The following SORD variants were observed in gnomAD, a reference collection of about 807,000 sequenced individuals.
The protein encoded by SORD is (R,R)-butanediol dehydrogenase.
Under a neutral mutation model 35.6 loss-of-function variants are expected in SORD, and 18 were observed. The observed-to-expected ratio is 0.51, with a 90% CI of 0.35 to 0.75. SORD has a LOEUF of 0.75. Ranked by LOEUF, SORD falls within the 30% of genes least tolerant of loss-of-function variation. The probability of loss-of-function intolerance (pLI) is 0.01; values close to 1 mark genes in which losing one functional copy is unlikely to be tolerated. For missense variants in SORD, 250 were observed against 390.2 expected (o/e 0.64, Z 3.03); for synonymous variants, 106 against 152.9 (o/e 0.69, Z 2.26).
At position 45,074,373 on chromosome 15, in the gene SORD, G is replaced by A. The variant is rs3100133; in HGVS notation, c.*843G>A. 0.16 allele frequency: 23,895 copies of A among 145,120 alleles called. 29 individuals are homozygous for A. Among genetic ancestry groups the A allele is most frequent in the Middle Eastern group, 0.27 (77 of 288 alleles). 9.0% of individuals were successfully genotyped at this position (145,120 alleles called of 1,614,324 possible). A position where few individuals can be genotyped will look rare whatever the true frequency, so the allele number is the denominator to read the frequency against. On this transcript the variant is annotated 3_prime_UTR_variant, in exon 9 of 9. Transcript: ENST00000267814. ...ACCTCACCAGAGACCAGGAGGGTTT[G>A]GTTAGCTCACAGGACTTCCCCCACC...
chr15:45,030,448 A>G (rs1892760331), intron 1 of SORD, among the ~76,000 whole-genome samples: 1 of 152,268 alleles, frequency 6.6e-6, no homozygotes, highest in Non-Finnish European at 1.5e-5. Flanking sequence ...TTTTCCCCAA[A>G]TCAGGTTTGC....
At chr15:45,047,292 G>T (rs542237939) in intron 3 of SORD, 1 of 151,704 alleles carries the variant, frequency 6.6e-6, no homozygotes, top group South Asian at 2.1e-4. Context: ...AACACAAAAA[G>T]ACTTAGGAAA....
intron 1 of SORD, among the ~76,000 whole-genome samples, chr15:45,036,060 G>A (rs1892860929): frequency 6.6e-6 from 1 of 151,680 alleles, no homozygotes; most frequent in Non-Finnish European, 1.5e-5. Context: ...CTTAAGAGCT[G>A]TAACACTCAC....
chr15:45,053,793 C>G (rs1276033695), intron 3 of SORD, among the ~76,000 whole-genome samples: 1 of 144,500 alleles, frequency 6.9e-6, no homozygotes, highest in Non-Finnish European at 1.5e-5. Flanking sequence ...ATCCCTCCCC[C>G]ATCCCCCCAC....
intron 1 of SORD, 60 bp from the exon 2 acceptor site, chr15:45,040,348 T>C: frequency 1.0e-6 from 1 of 970,252 alleles, no homozygotes; most frequent in Non-Finnish European, 1.6e-6. Flanking sequence ...TAATGGAAAA[T>C]GTTCATAAGG....
chr15:45,045,407 C>T (rs1280722569), intron 3 of SORD, among the ~76,000 whole-genome samples: 1 of 151,918 alleles, frequency 6.6e-6, no homozygotes, highest in South Asian at 2.1e-4. Flanking sequence ...GTGGCACACA[C>T]CTATAATCCC....
rs1893296007 is a variant in SORD at position 45,061,067 on chromosome 15, GT to G, written c.267del (p.Asp90IlefsTer65). 20 of 1,614,006 alleles carry G rather than the reference GT, an allele frequency of 1.2e-5. No homozygotes were observed. The highest frequency in any genetic ancestry group is 1.7e-5 in the Non-Finnish European group (20 of 1,180,018). Reference sequence around the variant, plus strand: ...GTGCCATCTTTGTTTTCCTCTCCAGGTGATCGTGTTGCCATCGAGCCTGGTG... The same window carrying G: ...GTGCCATCTTTGTTTTCCTCTCCAGGGATCGTGTTGCCATCGAGCCTGGTG... ...VGSSVKHLKP[G>X]DRVAIEPGAP... On this transcript the variant is annotated frameshift_variant and splice_region_variant, in exon 4 of 9. Transcript: ENST00000267814. LOFTEE classifies it high-confidence loss of function.
At chr15:45,054,822 A>G (rs964344771) in intron 3 of SORD, among the ~76,000 whole-genome samples, 6 of 150,490 alleles carry the variant, frequency 4.0e-5, no homozygotes, top group Admixed American at 3.3e-4. Context: ...TGATTTTTGT[A>G]TAAGGTGTAA....
At chr15:45,041,447 T>C (rs1338946838) in intron 2 of SORD, among the ~76,000 whole-genome samples, 1 of 152,018 alleles carries the variant, frequency 6.6e-6, no homozygotes, top group African/African-American at 2.4e-5. Flanking sequence ...CACTTTGTCC[T>C]ACCTCACACC....
intron 3 of SORD, among the ~76,000 whole-genome samples, chr15:45,060,229 G>A (rs1893279956): frequency 6.6e-6 from 1 of 151,920 alleles, no homozygotes. Context: ...AGGGGTAGAT[G>A]GATAGATATG....
At chr15:45,054,478 T>G (rs1426389004) in intron 3 of SORD, among the ~76,000 whole-genome samples, 2 of 152,240 alleles carry the variant, frequency 1.3e-5, no homozygotes, top group African/African-American at 4.8e-5. Context: ...CTTCGCCCAC[T>G]TTTTGATGGG....
chr15:45,038,458 A>T (rs1042186735), intron 1 of SORD, among the ~76,000 whole-genome samples: 1 of 152,232 alleles, frequency 6.6e-6, no homozygotes, highest in Non-Finnish European at 1.5e-5. Flanking sequence ...GGCAGCAATA[A>T]CATTAAAGCT....
chr15:45,024,596 T>C (rs1313193908), intron 1 of SORD, among the ~76,000 whole-genome samples: 2 of 152,086 alleles, frequency 1.3e-5, no homozygotes, highest in African/African-American at 2.4e-5. Flanking sequence ...CCCAAGGTCC[T>C]GAATTAAAGT....
intron 3 of SORD, chr15:45,047,334 C>T (rs1436811024): frequency 6.6e-6 from 1 of 151,800 alleles, no homozygotes; most frequent in Non-Finnish European, 1.5e-5. Flanking sequence ...TGAATAAAGG[C>T]CAGACCTTCC....
chr15:45,028,030 A>G (rs950902810), intron 1 of SORD, among the ~76,000 whole-genome samples: 1 of 152,264 alleles, frequency 6.6e-6, no homozygotes, highest in Non-Finnish European at 1.5e-5. Flanking sequence ...GTGTCACGTC[A>G]AAATGCTATA....
At chr15:45,067,566 T>C (rs1014462242) in intron 5 of SORD, among the ~76,000 whole-genome samples, 5 of 152,228 alleles carry the variant, frequency 3.3e-5, no homozygotes, top group African/African-American at 1.2e-4. Flanking sequence ...TTGCTTTCAT[T>C]CCGTGGGTCT....
intron 1 of SORD, among the ~76,000 whole-genome samples, chr15:45,030,558 C>T (rs1384732344): frequency 2.0e-5 from 3 of 152,224 alleles, no homozygotes; most frequent in Admixed American, 6.5e-5. Flanking sequence ...ATTACATAGA[C>T]CCGAACACAG....
chr15:45,031,730 C>T (rs74011337), intron 1 of SORD, among the ~76,000 whole-genome samples: 29,105 of 145,896 alleles, frequency 0.2, 5 homozygotes, highest in African/African-American at 0.43. Context: ...GTGCTGGGAT[C>T]ACCGGTGTGA....
intron 4 of SORD, among the ~76,000 whole-genome samples, chr15:45,062,370 G>A (rs1355485053): frequency 7.2e-5 from 11 of 152,320 alleles, no homozygotes; most frequent in South Asian, 2.1e-4. Flanking sequence ...CCCTTTCTGC[G>A]TGGCCCCCCA....
Sources: gnomAD v4.1 joint callset for allele counts (sites outside exome capture counted in the v4.1 genomes callset) on GRCh38, gnomAD v4.1.1 for gene constraint, MANE v1.5 for transcripts, NCBI Gene and HGNC (gene_info 2026-07-23, HGNC 2026-07-21) for gene names.